The following LRRC4C variants were observed in gnomAD, a reference collection of about 807,000 sequenced individuals.
The protein encoded by LRRC4C is leucine-rich repeat-containing protein 4C.
Under a neutral mutation model 33.6 loss-of-function variants are expected in LRRC4C, and 5 were observed. That is an observed-to-expected ratio of 0.15 (90% CI 0.08 to 0.31). The LOEUF (loss-of-function observed/expected upper bound fraction) is 0.31. Among genes scored for constraint, LRRC4C ranks in the 10% least tolerant of loss-of-function variants. LRRC4C has a pLI of 1.00. For missense variants in LRRC4C, 560 were observed against 796.7 expected, an observed-to-expected ratio of 0.70 and a Z score of 3.58; for synonymous variants, 329 against 302.0, an observed-to-expected ratio of 1.09 and a Z score of -0.93.
chr11:41,321,397 A>T (rs957378), intron 1 of LRRC4C, among the ~76,000 whole-genome samples: 24,490 of 152,094 alleles, frequency 0.16, 2,380 homozygotes, highest in East Asian at 0.44. Flanking sequence ...TGATTGCCCA[A>T]CATGCTAGAT....
chr11:40,810,455 A>C (rs1199301733), intron 2 of LRRC4C, among the ~76,000 whole-genome samples: 2 of 152,314 alleles, frequency 1.3e-5, no homozygotes, highest in East Asian at 3.9e-4. Context: ...AATAGTTTTA[A>C]ATAACATCTG....
At chr11:40,406,508 C>T (rs1375381699) in intron 3 of LRRC4C, among the ~76,000 whole-genome samples, 2 of 151,896 alleles carry the variant, frequency 1.3e-5, no homozygotes, top group Non-Finnish European at 2.9e-5. Context: ...ATGTGTTGGG[C>T]AGTATACATA....
In LRRC4C at chr11:40,258,712, C is replaced by A. The variant is rs541041064; in HGVS notation, c.-175-17114G>T. On this transcript the variant is annotated intron_variant, in intron 4 of 6. Coordinates refer to ENST00000528697, the MANE Select transcript of LRRC4C (RefSeq NM_001258419.2). ...TTTGACTCTAACCTAAATCTGTTCTCAATAGAAGGAGAGAAAAACTCTGGA... is the reference window on the plus strand; with the variant it reads ...TTTGACTCTAACCTAAATCTGTTCTAAATAGAAGGAGAGAAAAACTCTGGA... Among the ~76,000 whole-genome samples, 223 of 152,254 alleles carry A rather than the reference C, an allele frequency of 1.5e-3. 1 individual carries two copies. The South Asian group carries it at 0.015, about 10-fold the overall frequency.
At chr11:41,216,643 G>A (rs142701169) in intron 1 of LRRC4C, among the ~76,000 whole-genome samples, 14 of 152,250 alleles carry the variant, frequency 9.2e-5, no homozygotes, top group Middle Eastern at 3.4e-3. Context: ...AGGCAAAATA[G>A]CATTTCTCTT....
chr11:40,599,601 C>T (rs565374286), intron 3 of LRRC4C, among the ~76,000 whole-genome samples: 20 of 152,270 alleles, frequency 1.3e-4, no homozygotes, highest in Middle Eastern at 3.4e-3. Flanking sequence ...TCATCTGCCT[C>T]CTCCACTAGA....
At chr11:40,517,016 G>A (rs1340545206) in intron 3 of LRRC4C, among the ~76,000 whole-genome samples, 1 of 152,136 alleles carries the variant, frequency 6.6e-6, no homozygotes, top group Non-Finnish European at 1.5e-5. Context: ...CCAGTATGGA[G>A]CATGGTTATA....
chr11:40,721,276 T>G (rs1947000407), intron 2 of LRRC4C, among the ~76,000 whole-genome samples: 1 of 152,104 alleles, frequency 6.6e-6, no homozygotes, highest in Non-Finnish European at 1.5e-5. Flanking sequence ...TAGAAGAAGC[T>G]TGAGAGAGTT....
intron 1 of LRRC4C, among the ~76,000 whole-genome samples, chr11:41,068,346 G>A (rs751672979): frequency 7.2e-5 from 11 of 151,994 alleles, no homozygotes; most frequent in Admixed American, 2.6e-4. Flanking sequence ...TGAGCTGAGC[G>A]TGCCACCGCA....
At chr11:40,466,725 A>C (rs962866325) in intron 3 of LRRC4C, among the ~76,000 whole-genome samples, 1 of 151,970 alleles carries the variant, frequency 6.6e-6, no homozygotes, top group African/African-American at 2.4e-5. Flanking sequence ...TATATTATAG[A>C]GTACTGATTT....
chr11:40,866,457 C>A (rs1462489135), intron 2 of LRRC4C, among the ~76,000 whole-genome samples: 1 of 152,016 alleles, frequency 6.6e-6, no homozygotes, highest in Non-Finnish European at 1.5e-5. Flanking sequence ...TGGCATGATC[C>A]CACTTGTCAT....
intron 3 of LRRC4C, among the ~76,000 whole-genome samples, chr11:40,371,036 G>A (rs137899423): frequency 1.3e-5 from 2 of 151,614 alleles, no homozygotes; most frequent in East Asian, 1.9e-4. Context: ...TACAACCCTC[G>A]GACTTAGAGG....
intron 4 of LRRC4C, among the ~76,000 whole-genome samples, chr11:40,242,390 T>C (rs1029820054): frequency 2.2e-4 from 34 of 152,206 alleles, no homozygotes; most frequent in African/African-American, 7.7e-4. Flanking sequence ...AAATGAGTTT[T>C]ATGTTTTTCC....
At chr11:40,754,479 C>A (rs963332041) in intron 2 of LRRC4C, among the ~76,000 whole-genome samples, 28 of 151,986 alleles carry the variant, frequency 1.8e-4, no homozygotes, top group African/African-American at 4.8e-4. Flanking sequence ...AGTTCTCCAG[C>A]GTAGAGAGAG....
At chr11:41,427,927 C>T (rs993954321) in intron 1 of LRRC4C, among the ~76,000 whole-genome samples, 7 of 152,094 alleles carry the variant, frequency 4.6e-5, no homozygotes, top group Non-Finnish European at 8.8e-5. Context: ...TTGTGACCCC[C>T]ACCCCTGCCA....
intron 1 of LRRC4C, among the ~76,000 whole-genome samples, chr11:41,230,958 T>C (rs532494076): frequency 6.9e-6 from 1 of 145,914 alleles, no homozygotes; most frequent in Admixed American, 6.8e-5. Flanking sequence ...GCAAAGGATA[T>C]GAACAGACAC....
chr11:40,709,335 G>T lies in LRRC4C; in HGVS notation c.-406-61057C>A, dbSNP rs370689746. Among the ~76,000 whole-genome samples the T allele has an allele frequency of 8.6e-4, 131 of 152,262 alleles. 1 individual carries two copies. The highest frequency in any genetic ancestry group is 1.7e-3 in the Non-Finnish European group (117 of 68,028). ...TACAATTTGGCATGTTTTTGCAGTG[G>T]CTGGTAGTAGTTGTTCTTTTCCATG... On this transcript the variant is annotated intron_variant, in intron 2 of 6. Coordinates refer to ENST00000528697, the MANE Select transcript of LRRC4C (RefSeq NM_001258419.2).
intron 3 of LRRC4C, among the ~76,000 whole-genome samples, chr11:40,404,326 A>C (rs1395013942): frequency 6.6e-6 from 1 of 152,156 alleles, no homozygotes; most frequent in African/African-American, 2.4e-5. Context: ...GACCCACACA[A>C]TAAAGAGCTA....
intron 5 of LRRC4C, among the ~76,000 whole-genome samples, chr11:40,199,803 A>G (rs1163242559): frequency 6.6e-6 from 1 of 152,204 alleles, no homozygotes; most frequent in African/African-American, 2.4e-5. Flanking sequence ...CTATTACAGA[A>G]TATGAGAATC....
At chr11:40,310,393 C>T (rs1590271804) in intron 4 of LRRC4C, among the ~76,000 whole-genome samples, 1 of 152,122 alleles carries the variant, frequency 6.6e-6, no homozygotes, top group East Asian at 1.9e-4. Context: ...GACTCTGATG[C>T]CCTTCCAGGT....
Sources: gnomAD v4.1 joint callset for allele counts (sites outside exome capture counted in the v4.1 genomes callset) on GRCh38, gnomAD v4.1.1 for gene constraint, MANE v1.5 for transcripts, NCBI Gene and HGNC (gene_info 2026-07-23, HGNC 2026-07-21) for gene names.